PCDH15: variants seen among roughly 807,000 people sequenced by gnomAD.
The protein encoded by PCDH15 is protocadherin-15.
Under a neutral mutation model 178.5 loss-of-function variants are expected in PCDH15, and 129 were observed. The ratio of observed to expected loss-of-function variants is 0.72; its 90% CI spans 0.63 to 0.84. PCDH15 has a LOEUF of 0.84. Ranked by LOEUF, PCDH15 falls within the 40% of genes least tolerant of loss-of-function variation. PCDH15 has a pLI of 0.00. For missense variants in PCDH15, 2,230 were observed against 2,099.9 expected (o/e 1.06, Z -1.21); for synonymous variants, 800 against 732.0 (o/e 1.09, Z -1.50).
intron 1 of PCDH15, among the ~76,000 whole-genome samples, chr10:55,211,868 T>A (rs1840580182): frequency 6.6e-6 from 1 of 152,022 alleles, no homozygotes; most frequent in Admixed American, 6.5e-5. Flanking sequence ...TAGAAAGAAA[T>A]CATTTATGCA....
At chr10:55,058,019 TTTTTAATCG>T (rs1841344877) in intron 2 of PCDH15, among the ~76,000 whole-genome samples, 1 of 152,154 alleles carries the variant, frequency 6.6e-6, no homozygotes, top group African/African-American at 2.4e-5. Flanking sequence ...CTACATCTTC[TTTTTAATCG>T]TTTGCATTCT....
intron 14 of PCDH15, among the ~76,000 whole-genome samples, chr10:54,149,369 C>T (rs2044289950): frequency 6.6e-6 from 1 of 152,000 alleles, no homozygotes; most frequent in African/African-American, 2.4e-5. Context: ...GTTTGTTGGG[C>T]TGAAAGGAAA....
intron 2 of PCDH15, among the ~76,000 whole-genome samples, chr10:55,496,613 T>C (rs1840539977): frequency 6.6e-6 from 1 of 151,852 alleles, no homozygotes; most frequent in Admixed American, 6.6e-5. Context: ...CTTGTGCTGA[T>C]GAATTTAATT....
At chr10:54,192,753 G>C (rs888881346) in intron 11 of PCDH15, among the ~76,000 whole-genome samples, 1 of 152,012 alleles carries the variant, frequency 6.6e-6, no homozygotes, top group Non-Finnish European at 1.5e-5. Context: ...TTTAGAAAGG[G>C]GGTGAGTCTA....
At chr10:55,128,278 AG>A (rs1257806460) in intron 2 of PCDH15, among the ~76,000 whole-genome samples, 3 of 151,666 alleles carry the variant, frequency 2.0e-5, no homozygotes, top group Non-Finnish European at 3.0e-5. Context: ...TGAGAATATG[AG>A]GATTCTAACT....
chr10:54,533,799 T>C (rs1012957952), intron 2 of PCDH15, among the ~76,000 whole-genome samples: 6 of 152,158 alleles, frequency 3.9e-5, no homozygotes. Context: ...ATTAACAAAA[T>C]GAATAATCCA....
At chr10:55,330,077 G>T (rs1297968204) in intron 2 of PCDH15, among the ~76,000 whole-genome samples, 1 of 151,556 alleles carries the variant, frequency 6.6e-6, no homozygotes, top group Admixed American at 6.6e-5. Flanking sequence ...ACATATCTCA[G>T]ATATCCTAAA....
At chr10:54,268,025 C>T (rs10825291) in intron 8 of PCDH15, among the ~76,000 whole-genome samples, 109,737 of 151,698 alleles carry the variant, frequency 0.72, 40,655 homozygotes, top group African/African-American at 0.77. Context: ...CTGACTTCAA[C>T]CTATACTACA....
chr10:53,900,904 A>G (rs1489018615), intron 26 of PCDH15, among the ~76,000 whole-genome samples: 1 of 152,152 alleles, frequency 6.6e-6, no homozygotes, highest in East Asian at 1.9e-4. Context: ...CTAGTTTAAC[A>G]TTTGGCTTAT....
rs571495231 is a variant in PCDH15, at chr10:54,988,714, G to T, written c.-79-91214C>A. On this transcript the variant is annotated intron_variant, in intron 2 of 5. Transcript: ENST00000458638. The stretch of plus-strand genomic sequence containing the variant: ...AAGATGTGACTTGGGTGCTGTTAAA[G>T]GTATTCAGTTTTATAAGGGAAGCAG... 5.9e-5 allele frequency among the ~76,000 whole-genome samples: 9 copies of T among 152,238 alleles called. No homozygotes were observed. In the South Asian group the frequency reaches 1.9e-3, roughly 32 times the overall value.
chr10:54,236,362 C>T (rs1049620389), intron 9 of PCDH15, among the ~76,000 whole-genome samples: 1 of 151,980 alleles, frequency 6.6e-6, no homozygotes, highest in South Asian at 2.1e-4. Flanking sequence ...TTCCCTTGGG[C>T]TAATCGTGCT....
chr10:53,862,477 C>G (rs935667986), intron 27 of PCDH15, among the ~76,000 whole-genome samples: 4 of 152,158 alleles, frequency 2.6e-5, no homozygotes, highest in Non-Finnish European at 5.9e-5. Flanking sequence ...TACACAATAT[C>G]AATAAATAAA....
chr10:55,212,746 C>T (rs1430290715), intron 1 of PCDH15, among the ~76,000 whole-genome samples: 1 of 152,010 alleles, frequency 6.6e-6, no homozygotes, highest in Non-Finnish European at 1.5e-5. Context: ...TGAAGTTCTT[C>T]AACAACAGGT....
intron 3 of PCDH15, among the ~76,000 whole-genome samples, chr10:54,386,900 C>G (rs967942850): frequency 6.6e-6 from 1 of 151,962 alleles, no homozygotes; most frequent in Non-Finnish European, 1.5e-5. Flanking sequence ...TTCAGTTACA[C>G]AAAAGAAACA....
At chr10:54,643,673 C>T (rs2094048372) in intron 2 of PCDH15, among the ~76,000 whole-genome samples, 1 of 149,244 alleles carries the variant, frequency 6.7e-6, no homozygotes, top group South Asian at 2.1e-4. Flanking sequence ...GGTATAGATT[C>T]AGAAAAATAT....
upstream of PCDH15, among the ~76,000 whole-genome samples, chr10:55,321,162 C>T (rs1843889408): frequency 6.6e-6 from 1 of 152,016 alleles, no homozygotes; most frequent in African/African-American, 2.4e-5. Flanking sequence ...AAAGAAACTA[C>T]TCTGATAGAG....
At chr10:54,508,368 G>C (rs985255649) in intron 3 of PCDH15, among the ~76,000 whole-genome samples, 4 of 151,810 alleles carry the variant, frequency 2.6e-5, no homozygotes, top group Admixed American at 2.0e-4. Context: ...AAAAAAACTG[G>C]GCAAGCCTCA....
intron 1 of PCDH15, among the ~76,000 whole-genome samples, chr10:54,787,797 G>C (rs1282605928): frequency 6.6e-6 from 1 of 151,942 alleles, no homozygotes; most frequent in Non-Finnish European, 1.5e-5. Flanking sequence ...ATTCATGTTT[G>C]AGCCTTAAGT....
intron 3 of PCDH15, among the ~76,000 whole-genome samples, chr10:54,815,442 A>C (rs1359000633): frequency 6.6e-6 from 1 of 152,160 alleles, no homozygotes. Context: ...ACTGTTCTAC[A>C]GTCATAATTT....
Sources: allele counts gnomAD v4.1 joint callset (sites outside exome capture counted in the v4.1 genomes callset), GRCh38; gene constraint gnomAD v4.1.1; transcripts MANE v1.5; gene names NCBI Gene and HGNC (gene_info 2026-07-23, HGNC 2026-07-21).